Variants in RBFOX1 observed in about 807,000 individuals in gnomAD.
The protein encoded by RBFOX1 is RNA binding protein fox-1 homolog 1.
A neutral mutation model predicts 57.7 loss-of-function variants in RBFOX1; 8 were observed. That is an observed-to-expected ratio of 0.14 (90% CI 0.08 to 0.25). The LOEUF (loss-of-function observed/expected upper bound fraction) is 0.25, where lower values mean the gene tolerates loss of function less well. RBFOX1 is among the 10% of genes least tolerant of loss of function. RBFOX1 has a pLI of 1.00. For synonymous variants in RBFOX1, 326 were observed against 222.4 expected, an observed-to-expected ratio of 1.47 and a Z score of -4.15; for missense variants, 611 against 548.5, an observed-to-expected ratio of 1.11 and a Z score of -1.14.
intron 4 of RBFOX1, among the ~76,000 whole-genome samples, chr16:7,058,407 C>G (rs545147676): frequency 1.6e-4 from 24 of 152,260 alleles, no homozygotes; most frequent in African/African-American, 5.8e-4. Flanking sequence ...ACATTGTTTG[C>G]AAAATACACT....
chr16:5,751,388 C>G (rs185490512), intron 3 of RBFOX1, among the ~76,000 whole-genome samples: 12 of 152,280 alleles, frequency 7.9e-5, no homozygotes, highest in East Asian at 7.7e-4. Context: ...CTGATTACGT[C>G]TCTTGACATC....
At chr16:7,614,948 T>C (rs1412137511) in intron 10 of RBFOX1, 1 of 152,240 alleles carries the variant, frequency 6.6e-6, no homozygotes, top group Non-Finnish European at 1.5e-5. Flanking sequence ...TTCAACCCCA[T>C]GTTTTTTCAC....
At chr16:6,918,235 T>C (rs2073683545) in intron 3 of RBFOX1, among the ~76,000 whole-genome samples, 2 of 151,056 alleles carry the variant, frequency 1.3e-5, no homozygotes, top group African/African-American at 4.9e-5. Flanking sequence ...TGAGCTGAGA[T>C]TGTACCATTG....
intron 4 of RBFOX1, among the ~76,000 whole-genome samples, chr16:7,109,774 T>G (rs1409137690): frequency 6.6e-6 from 1 of 152,172 alleles, no homozygotes; most frequent in African/African-American, 2.4e-5. Flanking sequence ...TTGAGCAATT[T>G]CATTCACTCG....
At chr16:7,259,963 G>C (rs193151998) in intron 4 of RBFOX1, among the ~76,000 whole-genome samples, 2 of 152,228 alleles carry the variant, frequency 1.3e-5, no homozygotes, top group Admixed American at 1.3e-4. Context: ...CCCTGATTTA[G>C]TAATTTCAGG....
chr16:5,310,459 A>G (rs747476655), intron 1 of RBFOX1, among the ~76,000 whole-genome samples: 1 of 151,924 alleles, frequency 6.6e-6, no homozygotes, highest in African/African-American at 2.4e-5. Context: ...CAGCTTCAAC[A>G]TTTTCCAGGT....
chr16:7,140,678 C>G (rs2073514193), intron 4 of RBFOX1, among the ~76,000 whole-genome samples: 1 of 152,118 alleles, frequency 6.6e-6, no homozygotes, highest in Admixed American at 6.5e-5. Flanking sequence ...ACGCTGAAAG[C>G]AGAACCTCTC....
At chr16:6,805,014 C>G (rs1026964523) in intron 3 of RBFOX1, among the ~76,000 whole-genome samples, 2 of 152,084 alleles carry the variant, frequency 1.3e-5, no homozygotes, top group African/African-American at 4.8e-5. Flanking sequence ...AACTGAATAC[C>G]ATTTGACCTA....
At chr16:7,311,570 G>T (rs890107578) in intron 4 of RBFOX1, among the ~76,000 whole-genome samples, 1 of 142,832 alleles carries the variant, frequency 7.0e-6, no homozygotes, top group African/African-American at 2.6e-5. Flanking sequence ...AAACATCCCC[G>T]GTTTTTCCCT....
chr16:7,071,541 ATTG>A (rs1193613277), intron 4 of RBFOX1, among the ~76,000 whole-genome samples: 1 of 151,770 alleles, frequency 6.6e-6, no homozygotes, highest in Non-Finnish European at 1.5e-5. Flanking sequence ...TTGATCACAA[ATTG>A]TTGTTGGGGT....
intron 1 of RBFOX1, among the ~76,000 whole-genome samples, chr16:5,376,870 G>A (rs564776): frequency 0.016 from 2,340 of 150,184 alleles, 54 homozygotes; most frequent in Non-Finnish European, 0.022. Context: ...CAGGTTCTGC[G>A]TCATCTCCAA....
At chr16:7,482,863 T>A (rs1324347963) in intron 4 of RBFOX1, among the ~76,000 whole-genome samples, 3 of 152,114 alleles carry the variant, frequency 2.0e-5, no homozygotes, top group Non-Finnish European at 4.4e-5. Flanking sequence ...GGAGATGGGC[T>A]TAGATGTTGC....
At chr16:6,536,267 C>G (rs1197258558) in intron 2 of RBFOX1, among the ~76,000 whole-genome samples, 1 of 152,140 alleles carries the variant, frequency 6.6e-6, no homozygotes, top group African/African-American at 2.4e-5. Flanking sequence ...CCTCAAGAGT[C>G]TTTGAATACT....
At chr16:6,766,880 TAA>T (rs2077405910) in intron 3 of RBFOX1, among the ~76,000 whole-genome samples, 1 of 152,008 alleles carries the variant, frequency 6.6e-6, no homozygotes, top group African/African-American at 2.4e-5. Flanking sequence ...GAACAGCAAG[TAA>T]AAAGATACTC....
At chr16:7,059,102 G>A (rs924846636) in intron 4 of RBFOX1, among the ~76,000 whole-genome samples, 4 of 152,108 alleles carry the variant, frequency 2.6e-5, no homozygotes, top group Non-Finnish European at 4.4e-5. Context: ...GATCTTCTTG[G>A]CTTAAACCCA....
chr16:6,658,904 G>A (rs2098680561), intron 3 of RBFOX1, among the ~76,000 whole-genome samples: 1 of 134,154 alleles, frequency 7.5e-6, no homozygotes, highest in Non-Finnish European at 1.6e-5. Flanking sequence ...CAGGAGCACA[G>A]GTTTTTTGTT....
chr16:5,485,005 G>C (rs2069676476), intron 2 of RBFOX1, among the ~76,000 whole-genome samples: 1 of 151,864 alleles, frequency 6.6e-6, no homozygotes, highest in African/African-American at 2.4e-5. Flanking sequence ...GCTTCCGTGA[G>C]CTATGATTAT....
intron 1 of RBFOX1, among the ~76,000 whole-genome samples, chr16:5,294,561 C>G (rs528932029): frequency 9.1e-4 from 139 of 152,324 alleles, no homozygotes; most frequent in Non-Finnish European, 1.5e-3. Context: ...CCATCTCCAA[C>G]TCTGACCTGC....
chr16:5,260,181 C>T (rs1404741032), intron 1 of RBFOX1, among the ~76,000 whole-genome samples: 4 of 152,028 alleles, frequency 2.6e-5, no homozygotes, highest in East Asian at 3.8e-4. Context: ...ATGTGGGTGA[C>T]GATTGTTTAA....
Sources: gnomAD v4.1 joint callset for allele counts (sites outside exome capture counted in the v4.1 genomes callset) on GRCh38, gnomAD v4.1.1 for gene constraint, MANE v1.5 for transcripts, NCBI Gene and HGNC (gene_info 2026-07-23, HGNC 2026-07-21) for gene names.